MAGI2: variants seen among roughly 807,000 people sequenced by gnomAD.
The protein encoded by MAGI2 is membrane-associated guanylate kinase, WW and PDZ domain-containing protein 2.
A neutral mutation model predicts 133.3 loss-of-function variants in MAGI2; 35 were observed. The ratio of observed to expected loss-of-function variants is 0.26; its 90% CI spans 0.20 to 0.35. MAGI2 has a LOEUF of 0.35. Ranked by LOEUF, MAGI2 falls within the 10% of genes least tolerant of loss-of-function variation. MAGI2 has a pLI of 1.00. For missense variants in MAGI2, 1,636 were observed against 1,863.4 expected, an observed-to-expected ratio of 0.88 and a Z score of 2.25; for synonymous variants, 729 against 710.6, an observed-to-expected ratio of 1.03 and a Z score of -0.41.
chr7:79,150,839 G>A (rs1452915782), intron 1 of MAGI2, among the ~76,000 whole-genome samples: 1 of 151,644 alleles, frequency 6.6e-6, no homozygotes, highest in Non-Finnish European at 1.5e-5. Flanking sequence ...TAGTTATATG[G>A]AAAAATTCAG....
chr7:78,154,617 C>A (rs1029563654), intron 16 of MAGI2, among the ~76,000 whole-genome samples: 3 of 152,176 alleles, frequency 2.0e-5, no homozygotes, highest in African/African-American at 7.2e-5. Flanking sequence ...ACCTCCACCA[C>A]CGATACCCAA....
Position 78,684,217 on chromosome 7 carries a change from T to C in MAGI2, c.419-56978A>G, listed in dbSNP as rs1859934. 8.3e-3 allele frequency among the ~76,000 whole-genome samples: 1,266 copies of C among 152,258 alleles called. 77 individuals carry two copies. In the East Asian group the frequency reaches 0.15, roughly 19 times the overall value. On this transcript the variant is annotated intron_variant, in intron 2 of 21. Transcript: ENST00000354212. Reference sequence around the variant, plus strand: ...TATCAATAGATTCTCCAAACATATTTCATCTTATAAACTAGGCCTTGTATT... The same window carrying C: ...TATCAATAGATTCTCCAAACATATTCCATCTTATAAACTAGGCCTTGTATT...
intron 13 of MAGI2, among the ~76,000 whole-genome samples, chr7:78,184,924 G>T (rs1827542172): frequency 6.6e-6 from 1 of 152,112 alleles, no homozygotes; most frequent in African/African-American, 2.4e-5. Context: ...GATTTGAAAA[G>T]AATTTCATTC....
intron 15 of MAGI2, among the ~76,000 whole-genome samples, chr7:78,163,432 C>T (rs186809022): frequency 1.1e-3 from 164 of 152,230 alleles, no homozygotes; most frequent in African/African-American, 3.6e-3. Flanking sequence ...AGCCACCGTG[C>T]CTGGCCTAAA....
chr7:79,311,639 C>G (rs1302186315), intron 1 of MAGI2, among the ~76,000 whole-genome samples: 2 of 152,122 alleles, frequency 1.3e-5, no homozygotes, highest in Admixed American at 1.3e-4. Flanking sequence ...GTACCATCTA[C>G]AAGCAGATGA....
chr7:79,212,798 C>T (rs1829612960), intron 1 of MAGI2, among the ~76,000 whole-genome samples: 1 of 151,924 alleles, frequency 6.6e-6, no homozygotes, highest in Admixed American at 6.6e-5. Flanking sequence ...GAGAACAGAA[C>T]AAAACAAAAC....
chr7:78,834,280 C>T (rs990192827), intron 2 of MAGI2, among the ~76,000 whole-genome samples: 1 of 152,094 alleles, frequency 6.6e-6, no homozygotes, highest in Non-Finnish European at 1.5e-5. Context: ...GTTTGGGTTA[C>T]CATAACCACT....
intron 1 of MAGI2, among the ~76,000 whole-genome samples, chr7:79,235,526 C>A (rs1347469713): frequency 6.6e-6 from 1 of 152,162 alleles, no homozygotes; most frequent in Non-Finnish European, 1.5e-5. Context: ...GTCTGAAAAG[C>A]GCAATATTTG....
chr7:78,923,176 G>A (rs1292509464), intron 2 of MAGI2, among the ~76,000 whole-genome samples: 2 of 152,064 alleles, frequency 1.3e-5, no homozygotes, highest in Non-Finnish European at 2.9e-5. Flanking sequence ...TTCTTTTGCT[G>A]TGCAGAAGCT....
At chr7:79,218,552 C>G (rs1192165323) in intron 1 of MAGI2, among the ~76,000 whole-genome samples, 1 of 152,026 alleles carries the variant, frequency 6.6e-6, no homozygotes, top group Non-Finnish European at 1.5e-5. Flanking sequence ...ATTGTTATTA[C>G]TGTACCATTT....
chr7:78,226,789 C>G (rs1409064720), intron 10 of MAGI2, among the ~76,000 whole-genome samples: 1 of 152,140 alleles, frequency 6.6e-6, no homozygotes, highest in African/African-American at 2.4e-5. Context: ...AATGGCTTCT[C>G]AAGGAAGAAA....
At chr7:78,025,253 G>A (rs575852116) in intron 21 of MAGI2, among the ~76,000 whole-genome samples, 1 of 152,248 alleles carries the variant, frequency 6.6e-6, no homozygotes, top group African/African-American at 2.4e-5. Context: ...AACATGGCGG[G>A]TTCTTTTTCA....
At chr7:78,715,569 C>T (rs142778134) in intron 2 of MAGI2, among the ~76,000 whole-genome samples, 2 of 152,180 alleles carry the variant, frequency 1.3e-5, no homozygotes, top group South Asian at 2.1e-4. Context: ...CCAGTGAAAG[C>T]TGTAAGAAAG....
intron 2 of MAGI2, among the ~76,000 whole-genome samples, chr7:78,863,960 T>C (rs1453523125): frequency 6.6e-6 from 1 of 152,178 alleles, no homozygotes; most frequent in African/African-American, 2.4e-5. Context: ...AGTATGCATA[T>C]GGGGACCAGG....
chr7:78,491,295 A>T (rs942311462), intron 5 of MAGI2, among the ~76,000 whole-genome samples: 2 of 151,990 alleles, frequency 1.3e-5, no homozygotes, highest in African/African-American at 4.8e-5. Flanking sequence ...GTGTTAAATC[A>T]CTCTTCAAAT....
At chr7:79,007,344 T>C (rs1050113723) in intron 1 of MAGI2, 138 bp from the exon 2 acceptor site, 1 of 571,832 alleles carries the variant, frequency 1.7e-6, no homozygotes, top group African/African-American at 1.9e-5. Flanking sequence ...TTCTCAAACA[T>C]TTACTGCCAC....
At chr7:78,192,545 A>T in intron 12 of MAGI2, among the ~76,000 whole-genome samples, 1 of 145,676 alleles carries the variant, frequency 6.9e-6, no homozygotes, top group Non-Finnish European at 1.5e-5. Flanking sequence ...TTTTTAAGAC[A>T]CTCACATATC....
chr7:79,434,550 T>C (rs1340251629), intron 1 of MAGI2, among the ~76,000 whole-genome samples: 1 of 152,184 alleles, frequency 6.6e-6, no homozygotes, highest in Non-Finnish European at 1.5e-5. Context: ...AGTCTCATAA[T>C]GGATAAGGTA....
At chr7:79,452,857 G>C in intron 1 of MAGI2, 163 bp downstream of exon 1, 1 of 709,808 alleles carries the variant, frequency 1.4e-6, no homozygotes. Context: ...TAGCCCCCAA[G>C]TCGAATCCCC....
Sources: allele counts gnomAD v4.1 joint callset (sites outside exome capture counted in the v4.1 genomes callset), GRCh38; gene constraint gnomAD v4.1.1; transcripts MANE v1.5; gene names NCBI Gene and HGNC (gene_info 2026-07-23, HGNC 2026-07-21).